DLGAP2: variants seen among roughly 807,000 people sequenced by gnomAD.
DLGAP2 encodes the protein disks large-associated protein 2.
A neutral mutation model predicts 100.3 loss-of-function variants in DLGAP2; 26 were observed. The observed-to-expected ratio is 0.26, with a 90% CI of 0.19 to 0.36. The LOEUF (loss-of-function observed/expected upper bound fraction) is 0.36. DLGAP2 is among the 10% of genes least tolerant of loss of function. The pLI, the probability that DLGAP2 is intolerant of heterozygous loss-of-function variation, is 1.00. For synonymous variants in DLGAP2, 886 were observed against 630.1 expected (o/e 1.41, Z -6.08); for missense variants, 1,858 against 1,453.2 (o/e 1.28, Z -4.53).
chr8:1,211,817 G>A (rs1798110300), intron 2 of DLGAP2, among the ~76,000 whole-genome samples: 1 of 152,252 alleles, frequency 6.6e-6, no homozygotes, highest in Non-Finnish European at 1.5e-5. Flanking sequence ...GGAGGTTGCA[G>A]TGAGCCGATA....
rs55781731 is a variant in DLGAP2 at position 785,221 on chromosome 8, C to CAAAAAAAA, written c.18+47420_18+47427dup. Among the ~76,000 whole-genome samples the CAAAAAAAA allele has an allele frequency of 4.9e-3, 300 of 60,816 alleles. 47 individuals carry two copies. The highest frequency in any genetic ancestry group is 9.6e-3 in the East Asian group (16 of 1,662). The allele number at this position is 60,816 out of a possible 152,430, so 39.9% of individuals were successfully genotyped here. A position where few individuals can be genotyped will look rare whatever the true frequency, so the allele number is the denominator to read the frequency against. On this transcript the variant is annotated intron_variant, in intron 1 of 14. Coordinates refer to ENST00000637795, the MANE Select transcript of DLGAP2 (RefSeq NM_001346810.2). ...TGGGCGACAGAGCGAGACTCCGCCT[C>CAAAAAAAA]AAAAAAAAAAAAAAAAAAAAAAAAA...
At chr8:1,008,307 G>A (rs1481487994) in intron 2 of DLGAP2, among the ~76,000 whole-genome samples, 1 of 152,204 alleles carries the variant, frequency 6.6e-6, no homozygotes, top group East Asian at 1.9e-4. Context: ...AAACATTTCA[G>A]CTTTGTTTAC....
chr8:1,417,993 G>T (rs1384982497), intron 3 of DLGAP2, among the ~76,000 whole-genome samples: 1 of 152,344 alleles, frequency 6.6e-6, no homozygotes, highest in Non-Finnish European at 1.5e-5. Context: ...AAATCAGCAC[G>T]TTTGGAGAAT....
chr8:1,478,530 C>A (rs1036631720), intron 3 of DLGAP2, among the ~76,000 whole-genome samples: 1 of 152,230 alleles, frequency 6.6e-6, no homozygotes, highest in African/African-American at 2.4e-5. Flanking sequence ...TTCCTCTCTC[C>A]ATCGACACCA....
intron 3 of DLGAP2, among the ~76,000 whole-genome samples, chr8:1,433,397 C>A (rs780897147): frequency 1.3e-5 from 2 of 152,168 alleles, no homozygotes; most frequent in African/African-American, 2.4e-5. Flanking sequence ...GCCAGGCACC[C>A]GCTGCGGTGG....
chr8:1,251,591 GC>G (rs1352716104), intron 2 of DLGAP2, among the ~76,000 whole-genome samples: 2 of 152,304 alleles, frequency 1.3e-5, no homozygotes, highest in African/African-American at 4.8e-5. Flanking sequence ...AAGCCACGGT[GC>G]CTGGCTGAAG....
chr8:1,507,483 C>T lies in DLGAP2; in HGVS notation c.172+6052C>T, dbSNP rs866083970. 2.8e-4 allele frequency among the ~76,000 whole-genome samples: 43 copies of T among 152,296 alleles called. 1 individual carries two copies. Among genetic ancestry groups the T allele is most frequent in the African/African-American group, 9.4e-4 (39 of 41,580 alleles). On this transcript the variant is annotated intron_variant, in intron 4 of 14. Transcript: ENST00000637795. Reference sequence around the variant, plus strand: ...AGCCCGCGCCCACCCAGAACTCGCGCTGGCCCATGAGCCCACACCTCTCCC... The same window carrying T: ...AGCCCGCGCCCACCCAGAACTCGCGTTGGCCCATGAGCCCACACCTCTCCC...
chr8:1,212,433 C>T (rs1196351523), intron 2 of DLGAP2, among the ~76,000 whole-genome samples: 1 of 152,160 alleles, frequency 6.6e-6, no homozygotes, highest in African/African-American at 2.4e-5. Flanking sequence ...AAAAACCGTT[C>T]ATTTGGTAGA....
intron 12 of DLGAP2, among the ~76,000 whole-genome samples, chr8:1,685,084 CG>C (rs1180558057): frequency 1.6e-4 from 25 of 151,830 alleles, no homozygotes; most frequent in African/African-American, 6.1e-4. Flanking sequence ...ACACAAGAGC[CG>C]GGGTCAGATG....
At chr8:1,023,855 A>G (rs1028061843) in intron 2 of DLGAP2, among the ~76,000 whole-genome samples, 18 of 59,266 alleles carry the variant, frequency 3.0e-4, no homozygotes, top group South Asian at 5.8e-4. Context: ...CAAACTTTAT[A>G]TATGTGTGTG....
chr8:1,333,697 G>A (rs955208166), intron 3 of DLGAP2, among the ~76,000 whole-genome samples: 1 of 152,202 alleles, frequency 6.6e-6, no homozygotes, highest in Non-Finnish European at 1.5e-5. Flanking sequence ...GTCTGGACTT[G>A]CATATGTGAG....
At chr8:1,072,247 AG>A (rs1803455861) in intron 2 of DLGAP2, among the ~76,000 whole-genome samples, 1 of 152,182 alleles carries the variant, frequency 6.6e-6, no homozygotes, top group Non-Finnish European at 1.5e-5. Context: ...GTTCAGATGC[AG>A]GGCACTCTCT....
chr8:1,512,845 T>C (rs1800218485), intron 4 of DLGAP2, among the ~76,000 whole-genome samples: 1 of 152,260 alleles, frequency 6.6e-6, no homozygotes, highest in African/African-American at 2.4e-5. Flanking sequence ...TTCTAATTTG[T>C]CTTCCGAATG....
chr8:1,461,102 C>T (rs12542079), intron 3 of DLGAP2, among the ~76,000 whole-genome samples: 22,364 of 148,390 alleles, frequency 0.15, 188 homozygotes, highest in East Asian at 0.21. Context: ...GCTGCTGTCA[C>T]GTGGGCTGGG....
intron 3 of DLGAP2, among the ~76,000 whole-genome samples, chr8:1,313,715 T>G (rs1800664676): frequency 6.6e-6 from 1 of 152,198 alleles, no homozygotes; most frequent in African/African-American, 2.4e-5. Context: ...AAAGAGGGTT[T>G]CAGTCACAGA....
chr8:811,998 A>G (rs1159795249), intron 1 of DLGAP2, among the ~76,000 whole-genome samples: 1 of 152,222 alleles, frequency 6.6e-6, no homozygotes, highest in African/African-American at 2.4e-5. Flanking sequence ...CTGGAAGGAC[A>G]TGGGGTGGTG....
chr8:1,433,734 C>A, intron 3 of DLGAP2, among the ~76,000 whole-genome samples: 1 of 108,798 alleles, frequency 9.2e-6, no homozygotes, highest in African/African-American at 3.2e-5. Flanking sequence ...TGAGGCAAAA[C>A]TGGCTTTTTT....
chr8:1,304,445 C>A (rs546228441), intron 3 of DLGAP2, among the ~76,000 whole-genome samples: 1 of 152,110 alleles, frequency 6.6e-6, no homozygotes, highest in Non-Finnish European at 1.5e-5. Context: ...AATGACAACC[C>A]ACATGTACCA....
chr8:1,661,851 A>G (rs1585041766), intron 8 of DLGAP2, among the ~76,000 whole-genome samples: 1 of 152,230 alleles, frequency 6.6e-6, no homozygotes, highest in Admixed American at 6.5e-5. Context: ...CTATGGGACA[A>G]TTCAGCCGGT....
Sources: gnomAD v4.1 joint callset for allele counts (sites outside exome capture counted in the v4.1 genomes callset) on GRCh38, gnomAD v4.1.1 for gene constraint, MANE v1.5 for transcripts, NCBI Gene and HGNC (gene_info 2026-07-23, HGNC 2026-07-21) for gene names.